BCAR3: variants seen among roughly 807,000 people sequenced by gnomAD.
The protein encoded by BCAR3 is BCAR3 adaptor protein, NSP family member, also known as breast cancer anti-estrogen resistance protein 3.
A neutral mutation model predicts 80.1 loss-of-function variants in BCAR3; 37 were observed. That is an observed-to-expected ratio of 0.46 (90% CI 0.36 to 0.61). The LOEUF is 0.61. Ranked by LOEUF, BCAR3 falls within the 20% of genes least tolerant of loss-of-function variation. The pLI, the probability that BCAR3 is intolerant of heterozygous loss-of-function variation, is 0.00. For missense variants in BCAR3, 978 were observed against 1,068.2 expected (o/e 0.92, Z 1.18); for synonymous variants, 389 against 418.9 (o/e 0.93, Z 0.87).
intron 2 of BCAR3, among the ~76,000 whole-genome samples, chr1:93,737,451 C>A (rs1323741593): frequency 6.6e-6 from 1 of 152,142 alleles, no homozygotes; most frequent in African/African-American, 2.4e-5. Flanking sequence ...CATGTGACAA[C>A]AGAGGCAGAG....
chr1:93,639,696 C>T (rs966562902), intron 3 of BCAR3, among the ~76,000 whole-genome samples: 4 of 151,934 alleles, frequency 2.6e-5, no homozygotes, highest in African/African-American at 4.8e-5. Context: ...AGGCTGGTCT[C>T]GAACTCCTGA....
At chr1:93,786,224 C>T (rs932817878) in intron 2 of BCAR3, among the ~76,000 whole-genome samples, 3 of 94,736 alleles carry the variant, frequency 3.2e-5, no homozygotes, top group Admixed American at 1.1e-4. Context: ...AAAAAAGTGC[C>T]ATGCATTTCT....
Position 93,582,328 on chromosome 1 carries a change from G to C in BCAR3, c.1659C>G (p.Ala553=). 1 of 1,614,130 alleles carries C rather than the reference G, an allele frequency of 6.2e-7. No homozygotes were observed. Among genetic ancestry groups the C allele is most frequent in the Non-Finnish European group, 8.5e-7 (1 of 1,180,024 alleles). Residue 553 remains alanine, a synonymous_variant, in exon 7 of 12, where the codon GCC becomes GCG. Coordinates refer to ENST00000260502, the MANE Select transcript of BCAR3 (RefSeq NM_003567.4). ...TGCAGTCCATGCTCAGTACGTGCTG[G>C]GCGATGACCTTGGGGTCGTTGTTGG... ...LFTNNDPKVI[A]QHVLSMDCRV... is the part of the protein sequence containing the mutation.
At chr1:93,820,993 T>TA (rs1167976100) in intron 2 of BCAR3, among the ~76,000 whole-genome samples, 4 of 151,410 alleles carry the variant, frequency 2.6e-5, no homozygotes, top group East Asian at 3.9e-4. Flanking sequence ...AGTTACATTA[T>TA]AAAAAAACAA....
chr1:93,764,864 C>T (rs1410634851), intron 2 of BCAR3, among the ~76,000 whole-genome samples: 2 of 152,172 alleles, frequency 1.3e-5, no homozygotes, highest in Non-Finnish European at 2.9e-5. Context: ...GAGTCTGGGT[C>T]CAGAGGTTTC....
At chr1:93,822,184 T>C (rs1331417276) in intron 2 of BCAR3, among the ~76,000 whole-genome samples, 2 of 146,642 alleles carry the variant, frequency 1.4e-5, no homozygotes, top group African/African-American at 5.2e-5. Context: ...TGTTTTTTTT[T>C]TCTTTTTTTT....
chr1:93,764,087 A>C (rs1332222123), intron 2 of BCAR3, among the ~76,000 whole-genome samples: 1 of 151,988 alleles, frequency 6.6e-6, no homozygotes, highest in Non-Finnish European at 1.5e-5. Context: ...TGGAAATCTT[A>C]AGGCAGAACT....
At chr1:93,693,327 T>C (rs971576097) in intron 3 of BCAR3, among the ~76,000 whole-genome samples, 1 of 152,168 alleles carries the variant, frequency 6.6e-6, no homozygotes, top group African/African-American at 2.4e-5. Context: ...CATACAGCTG[T>C]GAGAGGCAAA....
At chr1:93,805,587 G>GA (rs869307509) in intron 2 of BCAR3, among the ~76,000 whole-genome samples, 2 of 162 alleles carry the variant, frequency 0.012, no homozygotes, top group South Asian at 0.17. Flanking sequence ...CCTGCCTTTA[G>GA]GACCCTCAAC....
At chr1:93,661,457 C>T (rs1647651483) in intron 2 of BCAR3, among the ~76,000 whole-genome samples, 1 of 151,416 alleles carries the variant, frequency 6.6e-6, no homozygotes, top group Non-Finnish European at 1.5e-5. Context: ...GCTGGCATTA[C>T]AGGGGTGAGC....
chr1:93,846,146 TTAAG>T (rs71710678), intron 1 of BCAR3, among the ~76,000 whole-genome samples: 14,156 of 152,020 alleles, frequency 0.093, 1,316 homozygotes, highest in African/African-American at 0.24. Context: ...CGTCTTGGGG[TTAAG>T]TAAGACTGTA....
chr1:93,582,024 C>A (rs1673727477), intron 7 of BCAR3, among the ~76,000 whole-genome samples: 1 of 152,166 alleles, frequency 6.6e-6, no homozygotes. Context: ...GCCCCCACCC[C>A]CGGCAGCAGC....
intron 2 of BCAR3, among the ~76,000 whole-genome samples, chr1:93,836,162 G>A (rs1654759967): frequency 6.6e-6 from 1 of 152,170 alleles, no homozygotes; most frequent in Non-Finnish European, 1.5e-5. Flanking sequence ...TCCTCGAGAT[G>A]CTACAGGGTA....
In BCAR3 at chr1:93,584,010, A is replaced by T. The variant is rs1673837566; in HGVS notation, c.1033+8T>A. ...TGACGTTCTCCCTGAAAATTCCCCG[A>T]AACATACCAATCGGCAGGTAGCTCT... On this transcript the variant is annotated splice_region_variant and intron_variant, in intron 6 of 11. Coordinates refer to ENST00000260502, the MANE Select transcript of BCAR3 (RefSeq NM_003567.4). 6.2e-7 allele frequency: 1 copy of T among 1,613,212 alleles called. No individual in the cohort carries two copies. Among genetic ancestry groups the T allele is most frequent in the Non-Finnish European group, 8.5e-7 (1 of 1,179,454 alleles).
intron 2 of BCAR3, among the ~76,000 whole-genome samples, chr1:93,660,655 G>A (rs1346323911): frequency 6.6e-6 from 1 of 152,260 alleles, no homozygotes; most frequent in Non-Finnish European, 1.5e-5. Flanking sequence ...ACTGCAGGCA[G>A]GGGAATATTG....
Position 93,674,880 on chromosome 1 carries a change from G to A in BCAR3, c.51C>T (p.His17=), listed in dbSNP as rs756756546. Residue 17 remains histidine (H), a synonymous_variant, in exon 2 of 12, where the codon CAC becomes CAT. Transcript: ENST00000260502. ...CCATGGATGAGGCCAGGGGGAACTG[G>A]TGATTCACCGGCATGTTTCTGGGAA... The part of the protein sequence containing the change: ...ASLPRNMPVN[H]QFPLASSMDL... The A allele has an allele frequency of 6.3e-7, 1 of 1,575,940 alleles. No homozygotes were observed. The highest frequency in any genetic ancestry group is 8.6e-7 in the Non-Finnish European group (1 of 1,167,036).
chr1:93,582,815 G>T lies in BCAR3; in HGVS notation c.1172C>A (p.Ala391Glu). 6.2e-7 allele frequency: 1 copy of T among 1,613,922 alleles called. No individual in the cohort carries two copies. The highest frequency in any genetic ancestry group is 8.5e-7 in the Non-Finnish European group (1 of 1,180,010). The change falls in exon 7 of 12, where the codon GCG becomes GAG. Residue 391 changes from alanine to glutamate, a missense_variant. Ala to Glu is a moderately radical substitution (Grantham distance 107). Transcript: ENST00000260502. ...RVSSDARAGE[A>E]LRGSDSQLCP... ...CAGTTGACTGTCTGATCCCCTCAGC[G>T]CCTCCCCAGCCCTGGCGTCTGAGGA...
At chr1:93,753,437 C>T (rs1651633504) in intron 2 of BCAR3, 1 of 152,192 alleles carries the variant, frequency 6.6e-6, no homozygotes, top group Admixed American at 6.5e-5. Flanking sequence ...ACCTCTCTCT[C>T]CTCGGTCTGT....
rs141718195 is a variant in BCAR3, at chr1:93,632,061, G to T, written c.357+10243C>A. Among the ~76,000 whole-genome samples, 610 of 152,256 alleles carry T rather than the reference G, an allele frequency of 4.0e-3. 10 individuals carry two copies. Among genetic ancestry groups the T allele is most frequent in the African/African-American group, 0.014 (589 of 41,530 alleles). ...GGCTAAAGATGCCAGAACCGACCAG[G>T]GCAGCAGAGAGATGCTGCTCAGAGC... On this transcript the variant is annotated intron_variant, in intron 3 of 11. Transcript: ENST00000260502.
Sources: allele counts gnomAD v4.1 joint callset (sites outside exome capture counted in the v4.1 genomes callset), GRCh38; gene constraint gnomAD v4.1.1; transcripts MANE v1.5; gene names NCBI Gene and HGNC (gene_info 2026-07-23, HGNC 2026-07-21).